RIT2: variants seen among roughly 807,000 people sequenced by gnomAD.
RIT2 encodes the protein GTP-binding protein Rit2.
A neutral mutation model predicts 23.7 loss-of-function variants in RIT2; 24 were observed. The observed-to-expected ratio is 1.01, with a 90% CI of 0.73 to 1.43. RIT2 has a LOEUF of 1.43. Among genes scored for constraint, RIT2 ranks in the 40% most tolerant of loss-of-function variants. The pLI, the probability that RIT2 is intolerant of heterozygous loss-of-function variation, is 0.00. For missense variants in RIT2, 236 were observed against 266.9 expected (o/e 0.88, Z 0.81); for synonymous variants, 107 against 91.1 (o/e 1.17, Z -0.99).
chr18:43,014,196 A>G (rs762440863), intron 2 of RIT2, among the ~76,000 whole-genome samples: 6 of 151,824 alleles, frequency 4.0e-5, no homozygotes, highest in African/African-American at 7.2e-5. Flanking sequence ...CAGAGAATTG[A>G]GGCAGAAGTA....
intron 4 of RIT2, among the ~76,000 whole-genome samples, chr18:42,769,843 TATAATAATA>T (rs149525390): frequency 0.047 from 6,648 of 141,450 alleles, 530 homozygotes; most frequent in East Asian, 0.34. Flanking sequence ...AAACTTAAAG[TATAATAATA>T]ATAATAATAA....
rs1555650895 is a variant in RIT2 at position 42,990,916 on chromosome 18, T to TTG, written c.161-16770_161-16769insCA. 8.2e-5 allele frequency among the ~76,000 whole-genome samples: 12 copies of TTG among 147,228 alleles called. No individual in the cohort carries two copies. In the South Asian group the frequency reaches 8.4e-4, roughly 10 times the overall value. On this transcript the variant is annotated intron_variant, in intron 2 of 4. Transcript: ENST00000326695. ...CTATTATGCTACACTGGTTTTGTTT[T>TTG]TTTTTTTTTTTTTTTAAAGACTAAC... is the stretch of plus-strand genomic sequence containing the variant.
chr18:42,795,168 C>T (rs1914129475), intron 4 of RIT2, among the ~76,000 whole-genome samples: 1 of 152,194 alleles, frequency 6.6e-6, no homozygotes, highest in Admixed American at 6.5e-5. Context: ...GCCCTTCAGC[C>T]CACCACTGCA....
At chr18:42,945,656 T>C (rs1258047105) in intron 3 of RIT2, among the ~76,000 whole-genome samples, 1 of 152,188 alleles carries the variant, frequency 6.6e-6, no homozygotes. Flanking sequence ...CATCATTTTG[T>C]ACTGGGTGTG....
At chr18:42,991,111 G>T (rs144897352) in intron 2 of RIT2, among the ~76,000 whole-genome samples, 3 of 151,982 alleles carry the variant, frequency 2.0e-5, no homozygotes, top group Non-Finnish European at 4.4e-5. Flanking sequence ...GGAAAATCAT[G>T]ATATTGGACA....
intron 1 of RIT2, among the ~76,000 whole-genome samples, chr18:43,039,573 C>G (rs1912079604): frequency 6.6e-6 from 1 of 152,076 alleles, no homozygotes. Context: ...GTCTCGAACT[C>G]CTGACCTCAG....
chr18:42,970,937 A>C (rs912400862), intron 3 of RIT2, among the ~76,000 whole-genome samples: 2 of 151,848 alleles, frequency 1.3e-5, no homozygotes, highest in Non-Finnish European at 2.9e-5. Context: ...TGAAGCTTGC[A>C]ATGGGCAAGG....
intron 4 of RIT2, among the ~76,000 whole-genome samples, chr18:42,744,460 T>TG (rs1307004807): frequency 1.4e-4 from 22 of 152,122 alleles, no homozygotes; most frequent in African/African-American, 5.3e-4. Flanking sequence ...TCTCCAGAAT[T>TG]CAAAAAAGCA....
rs576825167 is a variant in RIT2 at position 42,765,707 on chromosome 18, T to C, written c.427-21987A>G. Among the ~76,000 whole-genome samples the C allele has an allele frequency of 2.6e-5, 4 of 152,316 alleles. No homozygotes were observed. In the East Asian group the frequency reaches 5.8e-4, roughly 22 times the overall value. On this transcript the variant is annotated intron_variant, in intron 4 of 4. Coordinates refer to ENST00000326695, the MANE Select transcript of RIT2 (RefSeq NM_002930.4). ...ATGTTTATATGCATAGATGCATAAA[T>C]GTTTACTTTCATATTTTTATATGGA...
At chr18:42,777,541 A>AG (rs999172888) in intron 4 of RIT2, among the ~76,000 whole-genome samples, 29 of 152,288 alleles carry the variant, frequency 1.9e-4, no homozygotes, top group African/African-American at 7.0e-4. Flanking sequence ...CCAGTTTCAA[A>AG]GGAAAAAAGT....
intron 4 of RIT2, among the ~76,000 whole-genome samples, chr18:42,783,883 T>A (rs1913867499): frequency 6.6e-6 from 1 of 152,110 alleles, no homozygotes; most frequent in African/African-American, 2.4e-5. Context: ...AACTCCATGA[T>A]GGCAAGGTCA....
chr18:42,824,029 C>T (rs1293475956), intron 4 of RIT2, among the ~76,000 whole-genome samples: 1 of 152,020 alleles, frequency 6.6e-6, no homozygotes, highest in Non-Finnish European at 1.5e-5. Flanking sequence ...CAGACAGTTT[C>T]CACTCATTTC....
chr18:42,938,252 C>T (rs1286629626), intron 3 of RIT2, among the ~76,000 whole-genome samples: 1 of 152,064 alleles, frequency 6.6e-6, no homozygotes, highest in East Asian at 1.9e-4. Flanking sequence ...AAAACAAAAA[C>T]AAGGGGCTTT....
chr18:42,991,650 G>C (rs548577820), intron 2 of RIT2, among the ~76,000 whole-genome samples: 1 of 140,758 alleles, frequency 7.1e-6, no homozygotes, highest in Non-Finnish European at 1.6e-5. Flanking sequence ...ATTCCACCAC[G>C]AAAGAAATGA....
At chr18:43,086,971 TG>T (rs544231289) in intron 1 of RIT2, among the ~76,000 whole-genome samples, 37 of 152,232 alleles carry the variant, frequency 2.4e-4, no homozygotes, top group African/African-American at 8.2e-4. Context: ...TATTCATGGC[TG>T]GGCATGGTGG....
At chr18:42,803,721 T>C (rs571094048) in intron 4 of RIT2, among the ~76,000 whole-genome samples, 45 of 152,338 alleles carry the variant, frequency 3.0e-4, no homozygotes, top group Middle Eastern at 3.4e-3. Flanking sequence ...CCTGATGCTA[T>C]TTGCTGCCCG....
At chr18:43,023,851 T>C (rs1294544883) in intron 2 of RIT2, among the ~76,000 whole-genome samples, 4 of 151,970 alleles carry the variant, frequency 2.6e-5, no homozygotes, top group African/African-American at 9.7e-5. Flanking sequence ...AGTGTAAGCA[T>C]GTTTGAAAAA....
At chr18:43,102,341 C>A (rs1188789408) in intron 1 of RIT2, among the ~76,000 whole-genome samples, 1 of 151,826 alleles carries the variant, frequency 6.6e-6, no homozygotes, top group Non-Finnish European at 1.5e-5. Context: ...GAACTTAGAA[C>A]CATGGGGGTA....
At chr18:43,080,310 T>C (rs1239703729) in intron 1 of RIT2, among the ~76,000 whole-genome samples, 4 of 152,222 alleles carry the variant, frequency 2.6e-5, no homozygotes, top group Non-Finnish European at 5.9e-5. Flanking sequence ...TTGTATATGT[T>C]CTGCTCTCCA....
Sources: gnomAD v4.1 joint callset for allele counts (sites outside exome capture counted in the v4.1 genomes callset) on GRCh38, gnomAD v4.1.1 for gene constraint, MANE v1.5 for transcripts, NCBI Gene and HGNC (gene_info 2026-07-23, HGNC 2026-07-21) for gene names.